DNAH12: variants seen among roughly 807,000 people sequenced by gnomAD.
DNAH12 encodes the protein axonemal beta dynein heavy chain 12.
DNAH12 carries 285 observed loss-of-function variants against 371.5 expected under a neutral mutation model. The ratio of observed to expected loss-of-function variants is 0.77; its 90% CI spans 0.70 to 0.85. DNAH12 has a LOEUF of 0.85. Ranked by LOEUF, DNAH12 falls within the 40% of genes least tolerant of loss-of-function variation. DNAH12 has a pLI of 0.00. For synonymous variants in DNAH12, 1,200 were observed against 1,213.0 expected (o/e 0.99, Z 0.22); for missense variants, 3,611 against 3,689.4 (o/e 0.98, Z 0.55).
At chr3:57,328,271 A>G (rs2061999026) in intron 62 of DNAH12, among the ~76,000 whole-genome samples, 1 of 151,876 alleles carries the variant, frequency 6.6e-6, no homozygotes. Flanking sequence ...AAGAGAATTT[A>G]GACCAATATC....
chr3:57,445,476 T>C, intron 27 of DNAH12, 57 bp from the exon 28 acceptor site: 1 of 1,361,440 alleles, frequency 7.3e-7, no homozygotes, highest in Non-Finnish European at 9.5e-7. Flanking sequence ...GTTTTTAAGC[T>C]GAGCATAAGT....
chr3:57,426,445 T>C (rs982686324), intron 34 of DNAH12, among the ~76,000 whole-genome samples: 2 of 151,922 alleles, frequency 1.3e-5, no homozygotes, highest in East Asian at 1.9e-4. Context: ...AGAATTGAGA[T>C]ACTATAACGG....
At chr3:57,512,450 G>C (rs1296529637) in intron 4 of DNAH12, 1 of 152,202 alleles carries the variant, frequency 6.6e-6, no homozygotes, top group Non-Finnish European at 1.5e-5. Context: ...CTACTAAACA[G>C]TGCTTGCTTT....
intron 43 of DNAH12, among the ~76,000 whole-genome samples, chr3:57,395,709 G>A (rs2063722215): frequency 6.6e-6 from 1 of 151,706 alleles, no homozygotes. Context: ...CTTTGAGAGG[G>A]TGAGGCAGGA....
chr3:57,492,019 G>A (rs971471333), intron 11 of DNAH12, among the ~76,000 whole-genome samples: 17 of 151,374 alleles, frequency 1.1e-4, no homozygotes, highest in Non-Finnish European at 1.8e-4. Flanking sequence ...AAAATTAGAC[G>A]GGCATGGTGG....
intron 51 of DNAH12, among the ~76,000 whole-genome samples, chr3:57,379,734 A>G (rs1432658883): frequency 2.7e-5 from 4 of 150,548 alleles, no homozygotes; most frequent in Non-Finnish European, 5.9e-5. Context: ...CCAGCTACTC[A>G]AGAGGCTGAG....
the DNAH12 span, among the ~76,000 whole-genome samples, chr3:57,555,070 GC>G: frequency 9.9e-5 from 15 of 151,968 alleles, no homozygotes; most frequent in Admixed American, 9.8e-4. Context: ...ACATGGTGAA[GC>G]CCTTCTCTAC....
At chr3:57,419,877 T>A (rs2064512130) in intron 36 of DNAH12, among the ~76,000 whole-genome samples, 1 of 152,228 alleles carries the variant, frequency 6.6e-6, no homozygotes, top group South Asian at 2.1e-4. Flanking sequence ...GCCTTCAAGA[T>A]GTCCTTTTGC....
At chr3:57,493,476 G>A (rs995553806) in intron 11 of DNAH12, among the ~76,000 whole-genome samples, 2 of 151,970 alleles carry the variant, frequency 1.3e-5, no homozygotes, top group Non-Finnish European at 1.5e-5. Context: ...ATCTATACAG[G>A]GGTCCTAGAA....
intron 17 of DNAH12, 106 bp from the exon 18 acceptor site, chr3:57,462,981 A>G: frequency 1.4e-6 from 1 of 703,512 alleles, no homozygotes; most frequent in South Asian, 2.3e-5. Context: ...TCTTCAATTT[A>G]TTTAATATAT....
intron 4 of DNAH12, among the ~76,000 whole-genome samples, chr3:57,520,417 T>A (rs553292836): frequency 1.0e-4 from 15 of 148,622 alleles, no homozygotes; most frequent in Admixed American, 7.4e-4. Context: ...TTTTCCTTTT[T>A]ATTTTTATTT....
chr3:57,397,544 C>G (rs1054987440), intron 43 of DNAH12, among the ~76,000 whole-genome samples: 8 of 152,128 alleles, frequency 5.3e-5, no homozygotes, highest in Non-Finnish European at 1.2e-4. Flanking sequence ...GGTTGGAGGC[C>G]ACTGAAACAT....
At chr3:57,448,343 G>A (rs552953821) in intron 25 of DNAH12, among the ~76,000 whole-genome samples, 9 of 151,966 alleles carry the variant, frequency 5.9e-5, no homozygotes, top group Non-Finnish European at 1.0e-4. Context: ...AGCACGTCTG[G>A]ACTTGTTCAT....
At chr3:57,497,683 A>G (rs1283007895) in intron 11 of DNAH12, among the ~76,000 whole-genome samples, 1 of 152,222 alleles carries the variant, frequency 6.6e-6, no homozygotes, top group South Asian at 2.1e-4. Context: ...AAGCTTCCAG[A>G]GTAAAATGTA....
chr3:57,488,710 A>T (rs2067017841), intron 12 of DNAH12, among the ~76,000 whole-genome samples: 1 of 152,210 alleles, frequency 6.6e-6, no homozygotes, highest in Admixed American at 6.5e-5. Flanking sequence ...GCTAGGTGCT[A>T]TACATACATT....
chr3:57,525,166 A>AG (rs1381115607), intron 2 of DNAH12, among the ~76,000 whole-genome samples: 1 of 149,782 alleles, frequency 6.7e-6, no homozygotes, highest in Non-Finnish European at 1.5e-5. Flanking sequence ...AAAAAAAAAA[A>AG]AAAAAGAAAA....
At chr3:57,402,281 G>T (rs1372157224) in intron 43 of DNAH12, 2 of 759,476 alleles carry the variant, frequency 2.6e-6, no homozygotes, top group African/African-American at 1.9e-5. Context: ...AAAGGTCAGT[G>T]AAAGTGAAAG....
At chr3:57,342,702 T>A (rs749269356) in intron 60 of DNAH12, among the ~76,000 whole-genome samples, 1 of 148,178 alleles carries the variant, frequency 6.7e-6, no homozygotes, top group Non-Finnish European at 1.5e-5. Context: ...TGTAAACTAT[T>A]CATCCACCAA....
rs1333549681 is a variant in DNAH12, at chr3:57,372,504, TAAAGAG to T, written c.8759+2861_8759+2866del. Among the ~76,000 whole-genome samples the T allele has an allele frequency of 6.8e-3, 1,030 of 151,886 alleles. 8 individuals carry two copies. Among genetic ancestry groups the T allele is most frequent in the African/African-American group, 0.023 (957 of 41,478 alleles). On this transcript the variant is annotated intron_variant, in intron 55 of 73. Coordinates refer to ENST00000495027, the MANE Select transcript of DNAH12 (RefSeq NM_001366028.2). ...GATAAATTATTGTCTAAAGTAAAAA[TAAAGAG>T]AATGTATTATAGAATTTATGGCATA...
Sources: gnomAD v4.1 joint callset for allele counts (sites outside exome capture counted in the v4.1 genomes callset) on GRCh38, gnomAD v4.1.1 for gene constraint, MANE v1.5 for transcripts, NCBI Gene and HGNC (gene_info 2026-07-23, HGNC 2026-07-21) for gene names.